The following GRID2 variants were observed in gnomAD, a reference collection of about 807,000 sequenced individuals.
The protein encoded by GRID2 is glutamate receptor ionotropic, delta-2.
In GRID2, 33 loss-of-function variants were observed where a neutral mutation model predicts 114.8. That is an observed-to-expected ratio of 0.29 (90% CI 0.22 to 0.38). The LOEUF (loss-of-function observed/expected upper bound fraction) is 0.38. Among genes scored for constraint, GRID2 ranks in the 10% least tolerant of loss-of-function variants. The pLI is 1.00. For missense variants in GRID2, 1,184 were observed against 1,257.7 expected, an observed-to-expected ratio of 0.94 and a Z score of 0.89; for synonymous variants, 505 against 449.9, an observed-to-expected ratio of 1.12 and a Z score of -1.55.
intron 8 of GRID2, among the ~76,000 whole-genome samples, chr4:93,386,562 G>T (rs111603288): frequency 6.6e-6 from 1 of 152,082 alleles, no homozygotes; most frequent in African/African-American, 2.4e-5. Flanking sequence ...CACTTACTGT[G>T]ATAGTATAAT....
intron 2 of GRID2, among the ~76,000 whole-genome samples, chr4:93,016,349 C>CAGGAA (rs1456735814): frequency 6.6e-6 from 1 of 152,114 alleles, no homozygotes; most frequent in Non-Finnish European, 1.5e-5. Context: ...ATCAGTAACT[C>CAGGAA]TTCCTGAGTG....
chr4:93,284,988 C>A (rs567160943), intron 8 of GRID2, among the ~76,000 whole-genome samples: 2 of 152,056 alleles, frequency 1.3e-5, no homozygotes, highest in Non-Finnish European at 2.9e-5. Flanking sequence ...AAAACTGATA[C>A]ATCAGTGATG....
intron 2 of GRID2, among the ~76,000 whole-genome samples, chr4:93,031,192 C>T (rs1184252288): frequency 6.6e-6 from 1 of 151,410 alleles, no homozygotes; most frequent in African/African-American, 2.4e-5. Context: ...ACTATAGGCA[C>T]CTGCCACCAC....
intron 1 of GRID2, among the ~76,000 whole-genome samples, chr4:92,553,112 T>C (rs746974032): frequency 6.6e-6 from 1 of 152,160 alleles, no homozygotes; most frequent in South Asian, 2.1e-4. Context: ...TAAGAGGCCA[T>C]AATTTTTCTC....
At chr4:93,422,266 A>G (rs2149367423) in intron 9 of GRID2, among the ~76,000 whole-genome samples, 1 of 152,330 alleles carries the variant, frequency 6.6e-6, no homozygotes, top group African/African-American at 2.4e-5. Flanking sequence ...AAGTCACAAA[A>G]TTACTTAGTG....
intron 4 of GRID2, among the ~76,000 whole-genome samples, chr4:93,173,200 A>G (rs1376106680): frequency 2.6e-5 from 4 of 152,188 alleles, no homozygotes; most frequent in African/African-American, 9.7e-5. Flanking sequence ...AAATTAATCC[A>G]ATAGATTTTT....
rs545125922 is a variant in GRID2, at chr4:93,428,617, T to G, written c.1545+5649T>G. Among the ~76,000 whole-genome samples the G allele has an allele frequency of 1.6e-4, 24 of 152,312 alleles. No individual in the cohort carries two copies. The South Asian group carries it at 4.6e-3, about 29-fold the overall frequency. Reference sequence around the variant, plus strand: ...AAGACTTTCAAACACACATTTCTATTGTACTTGAATTACAATTGTGTGAGG... The same window carrying G: ...AAGACTTTCAAACACACATTTCTATGGTACTTGAATTACAATTGTGTGAGG... On this transcript the variant is annotated intron_variant, in intron 10 of 15. Coordinates refer to ENST00000282020, the MANE Select transcript of GRID2 (RefSeq NM_001510.4).
chr4:92,658,910 G>T (rs1018615484), intron 2 of GRID2, among the ~76,000 whole-genome samples: 7 of 146,786 alleles, frequency 4.8e-5, no homozygotes, highest in Non-Finnish European at 9.1e-5. Context: ...ACACACATTT[G>T]CATGTAGACA....
chr4:93,169,863 G>A (rs1347814826), intron 4 of GRID2, among the ~76,000 whole-genome samples: 1 of 152,100 alleles, frequency 6.6e-6, no homozygotes, highest in Non-Finnish European at 1.5e-5. Flanking sequence ...CTTCTACTGA[G>A]ATATCTGTAA....
chr4:93,129,572 A>G (rs1042338586), intron 4 of GRID2, among the ~76,000 whole-genome samples: 1 of 152,160 alleles, frequency 6.6e-6, no homozygotes, highest in African/African-American at 2.4e-5. Context: ...ATCACAATCC[A>G]GGGCCTACTT....
At chr4:92,620,867 T>C (rs913102362) in intron 2 of GRID2, among the ~76,000 whole-genome samples, 10 of 150,606 alleles carry the variant, frequency 6.6e-5, no homozygotes, top group Non-Finnish European at 1.3e-4. Context: ...GGGTGCAGCA[T>C]ACCAACATGA....
At chr4:93,233,562 C>T (rs1018620790) in intron 7 of GRID2, among the ~76,000 whole-genome samples, 1 of 151,832 alleles carries the variant, frequency 6.6e-6, no homozygotes, top group East Asian at 1.9e-4. Context: ...AGAGTGGTCT[C>T]GAACTCCTGA....
At chr4:92,727,931 G>A (rs556689904) in intron 2 of GRID2, among the ~76,000 whole-genome samples, 189 of 152,102 alleles carry the variant, frequency 1.2e-3, no homozygotes, top group Non-Finnish European at 2.0e-3. Flanking sequence ...TTGCAAATTT[G>A]GGGTTTAGCG....
intron 10 of GRID2, among the ~76,000 whole-genome samples, chr4:93,445,648 C>A (rs1434945662): frequency 1.3e-5 from 2 of 152,026 alleles, no homozygotes; most frequent in East Asian, 1.9e-4. Flanking sequence ...TAGAAAATTC[C>A]TTTTCCCACA....
intron 2 of GRID2, among the ~76,000 whole-genome samples, chr4:92,609,138 A>G (rs537042977): frequency 6.6e-6 from 1 of 151,770 alleles, no homozygotes; most frequent in Non-Finnish European, 1.5e-5. Context: ...CTTCACACAC[A>G]GCTTGAAATA....
intron 2 of GRID2, among the ~76,000 whole-genome samples, chr4:92,927,455 C>A (rs143646125): frequency 6.6e-6 from 1 of 151,888 alleles, no homozygotes; most frequent in African/African-American, 2.4e-5. Flanking sequence ...CCAATTCCCA[C>A]AGGGTAGCAC....
chr4:93,021,760 A>AATATTATAATATTTATAATATGT (rs1260104656), intron 2 of GRID2, among the ~76,000 whole-genome samples: 134 of 145,352 alleles, frequency 9.2e-4, no homozygotes, highest in Non-Finnish European at 1.8e-3. Flanking sequence ...TTATAATATG[A>AATATTATAATATTTATAATATGT]ATATTATAAT....
At chr4:92,949,069 T>A (rs1751846201) in intron 2 of GRID2, among the ~76,000 whole-genome samples, 1 of 151,672 alleles carries the variant, frequency 6.6e-6, no homozygotes, top group South Asian at 2.1e-4. Context: ...AAGCATGTAA[T>A]GATACAAGAA....
chr4:92,912,022 G>A (rs1003790378), intron 2 of GRID2, among the ~76,000 whole-genome samples: 6 of 151,710 alleles, frequency 4.0e-5, no homozygotes, highest in African/African-American at 1.5e-4. Flanking sequence ...TTTGGGGAAT[G>A]ATAAGAATTT....
Sources: gnomAD v4.1 joint callset for allele counts (sites outside exome capture counted in the v4.1 genomes callset) on GRCh38, gnomAD v4.1.1 for gene constraint, MANE v1.5 for transcripts, NCBI Gene and HGNC (gene_info 2026-07-23, HGNC 2026-07-21) for gene names.